Variants in PCDH11Y observed in about 807,000 individuals in gnomAD.
PCDH11Y encodes protocadherin-11 Y-linked.
For missense variants in PCDH11Y, 12 were observed against 224.8 expected (o/e 0.05, Z 6.05); for synonymous variants, 9 against 83.6 (o/e 0.11, Z 4.87).
At chrY:5,422,426 A>C in intron 2 of PCDH11Y, among the ~76,000 whole-genome samples, 1 of 28,130 alleles carries the variant, frequency 3.6e-5, no homozygotes, top group African/African-American at 1.4e-4. Context: ...ACTTTTTGCA[A>C]AACTAGAAAA....
chrY:5,148,351 A>G (rs2052860334), intron 2 of PCDH11Y, among the ~76,000 whole-genome samples: 1 of 33,037 alleles, frequency 3.0e-5, no homozygotes, highest in Non-Finnish European at 7.4e-5. Context: ...GTATAGAAAC[A>G]TCTGAATGGC....
At chrY:5,335,738 T>TA (rs776144601) in intron 2 of PCDH11Y, among the ~76,000 whole-genome samples, 449 of 9,581 alleles carry the variant, frequency 0.047, no homozygotes, top group Middle Eastern at 0.12. Context: ...CACCTAACGC[T>TA]AAAAAAAAAA....
intron 4 of PCDH11Y, among the ~76,000 whole-genome samples, chrY:5,670,176 A>C (rs1602958135): frequency 1.9e-4 from 6 of 32,308 alleles, no homozygotes; most frequent in African/African-American, 3.6e-4. Context: ...ACTCCATTGT[A>C]TATATGTACC....
chrY:5,130,072 G>A, intron 2 of PCDH11Y, among the ~76,000 whole-genome samples: 1 of 33,388 alleles, frequency 3.0e-5, no homozygotes, highest in African/African-American at 1.2e-4. Flanking sequence ...TGGTATACAT[G>A]TACCACATTT....
At chrY:5,200,931 A>T in intron 2 of PCDH11Y, among the ~76,000 whole-genome samples, 2 of 34,106 alleles carry the variant, frequency 5.9e-5, no homozygotes, top group Admixed American at 5.3e-4. Flanking sequence ...CCAGCTCAGG[A>T]TAATTGAATT....
chrY:5,419,946 A>G (rs2053256238), intron 2 of PCDH11Y, among the ~76,000 whole-genome samples: 1 of 30,535 alleles, frequency 3.3e-5, no homozygotes, highest in Non-Finnish European at 7.9e-5. Flanking sequence ...AAGCATATAC[A>G]TTTGATGTTA....
At chrY:5,072,342 C>T in intron 1 of PCDH11Y, among the ~76,000 whole-genome samples, 1 of 33,054 alleles carries the variant, frequency 3.0e-5, no homozygotes, top group Admixed American at 2.8e-4. Flanking sequence ...TTGTATAACC[C>T]TTAACTATCA....
intron 2 of PCDH11Y, among the ~76,000 whole-genome samples, chrY:5,140,793 T>A: frequency 6.1e-5 from 2 of 32,629 alleles, no homozygotes; most frequent in Non-Finnish European, 1.5e-4. Flanking sequence ...AAGTTACAAA[T>A]TATTTCAGGG....
intron 2 of PCDH11Y, among the ~76,000 whole-genome samples, chrY:5,248,307 A>G (rs2052999662): frequency 1.2e-4 from 3 of 25,406 alleles, no homozygotes; most frequent in Non-Finnish European, 2.7e-4. Flanking sequence ...TCTCTGATGA[A>G]CATCAATGCA....
chrY:5,534,030 T>TA (rs2053397640), intron 3 of PCDH11Y, among the ~76,000 whole-genome samples: 1 of 32,940 alleles, frequency 3.0e-5, no homozygotes, highest in African/African-American at 1.2e-4. Flanking sequence ...CATTTTTTTT[T>TA]ATGGAGCAAT....
At chrY:5,248,447 C>T in intron 2 of PCDH11Y, among the ~76,000 whole-genome samples, 1 of 31,163 alleles carries the variant, frequency 3.2e-5, no homozygotes, top group African/African-American at 1.3e-4. Context: ...AAACATAATC[C>T]ATCAAATAAA....
chrY:5,225,891 T>C (rs2124653085), intron 2 of PCDH11Y, among the ~76,000 whole-genome samples: 1 of 31,897 alleles, frequency 3.1e-5, no homozygotes, highest in East Asian at 8.2e-4. Context: ...GAGCACCTTC[T>C]CATATGCCTG....
chrY:5,198,445 G>A, intron 2 of PCDH11Y, among the ~76,000 whole-genome samples: 1 of 32,214 alleles, frequency 3.1e-5, no homozygotes, highest in African/African-American at 1.2e-4. Context: ...ACCATGCCCA[G>A]CCTACAACTT....
intron 2 of PCDH11Y, among the ~76,000 whole-genome samples, chrY:5,235,688 C>A: frequency 3.0e-5 from 1 of 33,200 alleles, no homozygotes; most frequent in Non-Finnish European, 7.5e-5. Flanking sequence ...TAGGTTGATT[C>A]CATGTTTTTG....
At chrY:5,721,152 T>C (rs2053594326) in intron 4 of PCDH11Y, among the ~76,000 whole-genome samples, 1 of 32,822 alleles carries the variant, frequency 3.0e-5, no homozygotes, top group Admixed American at 2.8e-4. Context: ...TGTCCTCATT[T>C]TTATCGTGAG....
chrY:5,547,245 TTATCTATC>T (rs541682691), intron 3 of PCDH11Y, among the ~76,000 whole-genome samples: 9 of 19,056 alleles, frequency 4.7e-4, no homozygotes, highest in Non-Finnish European at 7.4e-4. Flanking sequence ...AACCTAAATT[TTATCTATC>T]TATCTATCTA....
chrY:5,192,817 TA>T (rs2052914015), intron 2 of PCDH11Y, among the ~76,000 whole-genome samples: 1 of 34,007 alleles, frequency 2.9e-5, no homozygotes, highest in Non-Finnish European at 7.3e-5. Context: ...ATTTATTTTT[TA>T]AAATTTGATT....
intron 1 of PCDH11Y, among the ~76,000 whole-genome samples, chrY:5,011,127 T>A: frequency 3.3e-5 from 1 of 30,011 alleles, no homozygotes; most frequent in South Asian, 8.0e-4. Context: ...GATGAAAGTT[T>A]TAAATTCAAC....
At chrY:5,181,382 T>C in intron 2 of PCDH11Y, among the ~76,000 whole-genome samples, 1 of 32,788 alleles carries the variant, frequency 3.0e-5, no homozygotes, top group Non-Finnish European at 7.5e-5. Context: ...TTGGAGAATC[T>C]GATCATTATG....
Sources: allele counts gnomAD v4.1 joint callset (sites outside exome capture counted in the v4.1 genomes callset), GRCh38; gene constraint gnomAD v4.1.1; transcripts MANE v1.5; gene names NCBI Gene and HGNC (gene_info 2026-07-23, HGNC 2026-07-21).